Variants in MACROD2 observed in about 807,000 individuals in gnomAD.
The protein encoded by MACROD2 is ADP-ribose glycohydrolase MACROD2.
MACROD2 carries 36 observed loss-of-function variants against 70.4 expected under a neutral mutation model. The observed-to-expected ratio is 0.51, with a 90% confidence interval of 0.39 to 0.68. MACROD2 has a LOEUF of 0.68. MACROD2 is among the 30% of genes least tolerant of loss of function. MACROD2 has a pLI of 0.00. For synonymous variants in MACROD2, 172 were observed against 178.8 expected (o/e 0.96, Z 0.30); for missense variants, 496 against 538.4 (o/e 0.92, Z 0.78).
At chr20:15,170,383 CT>C (rs1410249808) in intron 5 of MACROD2, among the ~76,000 whole-genome samples, 3 of 152,158 alleles carry the variant, frequency 2.0e-5, no homozygotes. Flanking sequence ...ACTACCTACC[CT>C]TCTGAAGCAC....
intron 3 of MACROD2, among the ~76,000 whole-genome samples, chr20:14,269,313 A>G (rs1210167594): frequency 2.0e-5 from 3 of 152,206 alleles, no homozygotes; most frequent in South Asian, 2.1e-4. Flanking sequence ...AATATCTCCA[A>G]TTTAATTGGG....
intron 3 of MACROD2, among the ~76,000 whole-genome samples, chr20:14,206,092 A>G (rs1355828664): frequency 6.6e-6 from 1 of 152,078 alleles, no homozygotes; most frequent in Non-Finnish European, 1.5e-5. Flanking sequence ...GGATTTAGCA[A>G]TGTCGGGGGG....
chr20:14,173,477 T>TA (rs796414905), intron 3 of MACROD2, among the ~76,000 whole-genome samples: 12 of 151,972 alleles, frequency 7.9e-5, no homozygotes, highest in South Asian at 2.1e-4. Flanking sequence ...GATTATTTTT[T>TA]ATTTATGCTA....
intron 4 of MACROD2, among the ~76,000 whole-genome samples, chr20:14,538,525 C>T (rs150787987): frequency 2.4e-4 from 37 of 152,310 alleles, no homozygotes; most frequent in African/African-American, 8.4e-4. Context: ...GCAAAATCCA[C>T]AATTTGCTCA....
At chr20:14,088,879 T>G (rs2054114702) in intron 3 of MACROD2, among the ~76,000 whole-genome samples, 1 of 152,246 alleles carries the variant, frequency 6.6e-6, no homozygotes, top group African/African-American at 2.4e-5. Flanking sequence ...AACGACACAG[T>G]GAACCAGTTG....
intron 8 of MACROD2, among the ~76,000 whole-genome samples, chr20:15,749,162 A>G (rs531401971): frequency 2.6e-5 from 4 of 152,220 alleles, no homozygotes; most frequent in Admixed American, 2.0e-4. Flanking sequence ...CTTAAGGACA[A>G]TGGAATATCT....
intron 8 of MACROD2, chr20:15,552,995 A>G (rs2048119518): frequency 6.6e-6 from 1 of 152,244 alleles, no homozygotes; most frequent in Non-Finnish European, 1.5e-5. Context: ...AGGGAACTCA[A>G]ACTAAGACAA....
intron 8 of MACROD2, among the ~76,000 whole-genome samples, chr20:15,672,881 G>A (rs1392367010): frequency 2.0e-5 from 3 of 152,098 alleles, no homozygotes; most frequent in Non-Finnish European, 4.4e-5. Context: ...TGAATGATGG[G>A]TCTTTGCCAT....
chr20:15,584,703 AC>A (rs1295089524), intron 8 of MACROD2, among the ~76,000 whole-genome samples: 1 of 152,170 alleles, frequency 6.6e-6, no homozygotes, highest in Non-Finnish European at 1.5e-5. Flanking sequence ...GGGCACTGGT[AC>A]CCATGCCGGG....
At chr20:15,592,012 G>T (rs1203818102) in intron 8 of MACROD2, among the ~76,000 whole-genome samples, 2 of 152,164 alleles carry the variant, frequency 1.3e-5, no homozygotes, top group African/African-American at 4.8e-5. Flanking sequence ...ATTCAATGTA[G>T]TTGACATAGG....
At chr20:14,630,665 A>G (rs942075863) in intron 4 of MACROD2, among the ~76,000 whole-genome samples, 5 of 152,200 alleles carry the variant, frequency 3.3e-5, no homozygotes, top group African/African-American at 1.2e-4. Context: ...GATTAAAAAT[A>G]TGCCCATTGT....
intron 5 of MACROD2, among the ~76,000 whole-genome samples, chr20:14,851,605 C>T (rs1272604492): frequency 2.0e-5 from 3 of 151,992 alleles, no homozygotes; most frequent in Non-Finnish European, 4.4e-5. Flanking sequence ...TACAGGGATA[C>T]TAAGATGAAC....
intron 7 of MACROD2, among the ~76,000 whole-genome samples, chr20:15,464,374 G>A (rs2046858181): frequency 6.6e-6 from 1 of 152,152 alleles, no homozygotes; most frequent in Non-Finnish European, 1.5e-5. Context: ...CATTTACTCA[G>A]AAATGGGAGG....
At chr20:14,641,047 A>G (rs908815618) in intron 4 of MACROD2, among the ~76,000 whole-genome samples, 2 of 152,230 alleles carry the variant, frequency 1.3e-5, no homozygotes, top group Non-Finnish European at 2.9e-5. Context: ...AACTTCTTTC[A>G]AAATTTGTAT....
intron 6 of MACROD2, among the ~76,000 whole-genome samples, chr20:15,312,455 T>A (rs1003176933): frequency 6.6e-6 from 1 of 152,178 alleles, no homozygotes; most frequent in African/African-American, 2.4e-5. Context: ...ATAGATCAGA[T>A]GATTTGATGA....
At chr20:14,474,916 C>G (rs1488276006) in intron 3 of MACROD2, among the ~76,000 whole-genome samples, 1 of 151,996 alleles carries the variant, frequency 6.6e-6, no homozygotes, top group Admixed American at 6.6e-5. Context: ...TTCAGCCACT[C>G]TATGTTTTCT....
At chr20:15,722,541 A>T (rs1279943824) in intron 8 of MACROD2, among the ~76,000 whole-genome samples, 1 of 152,028 alleles carries the variant, frequency 6.6e-6, no homozygotes. Flanking sequence ...GTATCTCTTC[A>T]GGTCTTTGAT....
In MACROD2 at chr20:16,049,934, C is replaced by A; in HGVS notation, c.*58C>A. 1 of 814,354 alleles carries A rather than the reference C, an allele frequency of 1.2e-6. No homozygotes were observed. Among genetic ancestry groups the A allele is most frequent in the Non-Finnish European group, 1.8e-6 (1 of 547,836 alleles). The allele number at this position is 814,354 out of a possible 1,614,324, so 50.4% of individuals were successfully genotyped here. ...CTGGGGGAGCTCGGGAAGATAGCAG[C>A]ACACGCTGTGGAGGAGGGTGGGGGT... On this transcript the variant is annotated 3_prime_UTR_variant, in exon 18 of 18. Transcript: ENST00000684519.
At chr20:15,895,395 A>G (rs1159461911) in intron 10 of MACROD2, among the ~76,000 whole-genome samples, 4 of 152,240 alleles carry the variant, frequency 2.6e-5, no homozygotes, top group African/African-American at 9.6e-5. Flanking sequence ...GAAACATAGG[A>G]ATTGTTCATT....
Sources: allele counts gnomAD v4.1 joint callset (sites outside exome capture counted in the v4.1 genomes callset), GRCh38; gene constraint gnomAD v4.1.1; transcripts MANE v1.5; gene names NCBI Gene and HGNC (gene_info 2026-07-23, HGNC 2026-07-21).